Variants in NELL2 observed in about 807,000 individuals in gnomAD.
NELL2 encodes the protein neural EGFL like 2.
Under a neutral mutation model 109.6 loss-of-function variants are expected in NELL2, and 41 were observed. The ratio of observed to expected loss-of-function variants is 0.37; its 90% CI spans 0.29 to 0.49. NELL2 has a LOEUF of 0.49. Ranked by LOEUF, NELL2 falls within the 20% of genes least tolerant of loss-of-function variation. The pLI is 0.98. For synonymous variants in NELL2, 355 were observed against 344.7 expected (o/e 1.03, Z -0.33); for missense variants, 900 against 1,008.3 (o/e 0.89, Z 1.45).
intron 2 of NELL2, among the ~76,000 whole-genome samples, chr12:44,866,342 C>T (rs1944999150): frequency 6.6e-6 from 1 of 152,016 alleles, no homozygotes; most frequent in African/African-American, 2.4e-5. Context: ...AATTAACATG[C>T]TCATGAACAA....
At chr12:44,608,320 T>TG (rs1945480293) in intron 14 of NELL2, among the ~76,000 whole-genome samples, 1 of 152,068 alleles carries the variant, frequency 6.6e-6, no homozygotes, top group African/African-American at 2.4e-5. Context: ...GTTAAAGAAA[T>TG]GGACTCAAAG....
At chr12:44,630,677 C>T (rs774173723) in intron 13 of NELL2, among the ~76,000 whole-genome samples, 1 of 151,888 alleles carries the variant, frequency 6.6e-6, no homozygotes, top group African/African-American at 2.4e-5. Context: ...CCCCACTTTA[C>T]GAAGAATGAG....
At position 44,811,327 on chromosome 12, in the gene NELL2, G is replaced by C. The variant is rs1373520757; in HGVS notation, c.335+4659C>G. Among the ~76,000 whole-genome samples, 3 of 30,088 alleles carry C rather than the reference G, an allele frequency of 1.0e-4. No individual in the cohort carries two copies. In the Admixed American group the frequency reaches 1.3e-3, roughly 13 times the overall value. 19.7% of individuals were successfully genotyped at this position (30,088 alleles called of 152,430 possible). On this transcript the variant is annotated intron_variant, in intron 3 of 19. Coordinates refer to ENST00000429094, the MANE Select transcript of NELL2 (RefSeq NM_001145108.2). ...CTACACGTTCTGCACATGTATCCCA[G>C]AACTAAAAGTAAAAAAAAAAAAAAA...
intron 15 of NELL2, among the ~76,000 whole-genome samples, chr12:44,559,088 A>G (rs1396676736): frequency 1.3e-5 from 2 of 152,216 alleles, no homozygotes; most frequent in African/African-American, 2.4e-5. Context: ...AAGCTTCATG[A>G]GTGAAGGAGA....
At position 44,816,109 on chromosome 12, in the gene NELL2, G is replaced by C; in HGVS notation, c.212C>G (p.Thr71Ser). The C allele has an allele frequency of 1.9e-6, 3 of 1,611,864 alleles. No homozygotes were observed. Among genetic ancestry groups the C allele is most frequent in the Non-Finnish European group, 2.5e-6 (3 of 1,179,372 alleles). Residue 71 changes from threonine to serine, a missense_variant, in exon 3 of 20, where the codon ACT becomes AGT. Physicochemically the swap from Thr to Ser is moderately conservative, Grantham distance 58. Around this residue, in one of 4 missense-constraint regions of NELL2, gnomAD observed 200 missense variants for 191.8 expected, o/e 1.04. Coordinates refer to ENST00000429094, the MANE Select transcript of NELL2 (RefSeq NM_001145108.2). ...CTGAAAAAACTGTTCAGCTGTAGCA[G>C]TGGATGCTTTTATGCTTCTGGGAGT... Reference protein sequence around the residue: ...QDTPRSIKASTATAEQFFQKL... With the variant: ...QDTPRSIKASSATAEQFFQKL...
At chr12:44,629,072 G>T (rs757368326) in intron 13 of NELL2, among the ~76,000 whole-genome samples, 2 of 152,028 alleles carry the variant, frequency 1.3e-5, no homozygotes, top group Non-Finnish European at 2.9e-5. Context: ...CTAAATTTGG[G>T]TACAAAGGAG....
intron 2 of NELL2, among the ~76,000 whole-genome samples, chr12:44,869,229 G>GA (rs58984872): frequency 0.058 from 8,703 of 150,404 alleles, 492 homozygotes; most frequent in East Asian, 0.18. Context: ...ATGGAAGAAA[G>GA]AAAAAAAAAC....
At chr12:44,643,069 T>C (rs79436311) in intron 13 of NELL2, among the ~76,000 whole-genome samples, 3,124 of 152,244 alleles carry the variant, frequency 0.021, 101 homozygotes, top group African/African-American at 0.071. Flanking sequence ...ATACTTCTGA[T>C]AAAAATGTAA....
intron 12 of NELL2, among the ~76,000 whole-genome samples, chr12:44,675,664 G>A (rs1948285135): frequency 6.6e-6 from 1 of 152,206 alleles, no homozygotes; most frequent in East Asian, 1.9e-4. Context: ...AGAGAAGCCA[G>A]AAACAAATTA....
intron 15 of NELL2, among the ~76,000 whole-genome samples, chr12:44,538,115 T>C (rs996764574): frequency 1.1e-4 from 17 of 152,196 alleles, no homozygotes; most frequent in African/African-American, 4.1e-4. Context: ...CCTTATGTCA[T>C]AGACAAGAAG....
At chr12:44,760,486 G>A (rs999947010) in intron 9 of NELL2, among the ~76,000 whole-genome samples, 1 of 151,960 alleles carries the variant, frequency 6.6e-6, no homozygotes, top group African/African-American at 2.4e-5. Context: ...TGCTCTCCTG[G>A]ATAATAACTC....
At chr12:44,546,952 G>A (rs760067805) in intron 15 of NELL2, among the ~76,000 whole-genome samples, 3 of 152,170 alleles carry the variant, frequency 2.0e-5, no homozygotes, top group Non-Finnish European at 4.4e-5. Flanking sequence ...CAGGTATTTT[G>A]TCTATCTTTT....
At chr12:44,865,893 T>C (rs1027814172) in intron 2 of NELL2, among the ~76,000 whole-genome samples, 1 of 151,430 alleles carries the variant, frequency 6.6e-6, no homozygotes, top group Non-Finnish European at 1.5e-5. Flanking sequence ...CTAACCACAA[T>C]GGTATTGCTA....
intron 9 of NELL2, among the ~76,000 whole-genome samples, chr12:44,771,744 C>T (rs1243674683): frequency 6.6e-6 from 1 of 152,230 alleles, no homozygotes; most frequent in Non-Finnish European, 1.5e-5. Flanking sequence ...CCCAGAACAA[C>T]AACCATCTTG....
At chr12:44,665,671 T>A in intron 12 of NELL2, 62 bp from the exon 13 acceptor site, 1 of 1,486,282 alleles carries the variant, frequency 6.7e-7, no homozygotes, top group South Asian at 1.5e-5. Flanking sequence ...TCCTATATAA[T>A]TTTCTTTGGT....
intron 15 of NELL2, among the ~76,000 whole-genome samples, chr12:44,599,243 A>G (rs1565995045): frequency 6.6e-6 from 1 of 152,188 alleles, no homozygotes; most frequent in Non-Finnish European, 1.5e-5. Flanking sequence ...AAAGTCAGCA[A>G]ACACAATAAA....
At chr12:44,578,057 G>A (rs918324365) in intron 15 of NELL2, among the ~76,000 whole-genome samples, 4 of 152,098 alleles carry the variant, frequency 2.6e-5, no homozygotes, top group Non-Finnish European at 5.9e-5. Context: ...TGAATACTCT[G>A]TAGTACCAAA....
At chr12:44,644,577 A>ATATATATATAT (rs1376840602) in intron 13 of NELL2, among the ~76,000 whole-genome samples, 1 of 92,810 alleles carries the variant, frequency 1.1e-5, no homozygotes, top group African/African-American at 4.5e-5. Context: ...CAGACAAAGT[A>ATATATATATAT]AAGTATATAT....
intron 3 of NELL2, among the ~76,000 whole-genome samples, chr12:44,788,055 TA>T (rs954042053): frequency 2.0e-5 from 3 of 152,140 alleles, no homozygotes. Context: ...ACAAATCAAA[TA>T]TCTGACAAAG....
Sources: allele counts gnomAD v4.1 joint callset (sites outside exome capture counted in the v4.1 genomes callset), GRCh38; gene constraint gnomAD v4.1.1; regional missense constraint gnomAD v4.1.1; transcripts MANE v1.5; gene names NCBI Gene and HGNC (gene_info 2026-07-23, HGNC 2026-07-21).